The following LRP8 variants were observed in gnomAD, a reference collection of about 807,000 sequenced individuals.
LRP8 encodes the protein low-density lipoprotein receptor-related protein 8.
In LRP8, 46 loss-of-function variants were observed where a neutral mutation model predicts 111.6. That is an observed-to-expected ratio of 0.41 (90% confidence interval 0.33 to 0.53). LRP8 has a LOEUF of 0.53. Among genes scored for constraint, LRP8 ranks in the 20% least tolerant of loss-of-function variants. The pLI, the probability that LRP8 is intolerant of heterozygous loss-of-function variation, is 0.20. For synonymous variants in LRP8, 464 were observed against 511.2 expected (o/e 0.91, Z 1.24); for missense variants, 959 against 1,297.4 (o/e 0.74, Z 4.01).
Position 53,262,539 on chromosome 1 carries a change from C to G in LRP8, c.1681G>C (p.Asp561His), listed in dbSNP as rs755974198. Residue 561 changes from aspartate to histidine, a missense_variant, in exon 11 of 19, where the codon GAC (aspartate) becomes CAC (histidine). Transcript: ENST00000306052. The surrounding 1 kb of genome is among the most constrained non-coding windows in gnomAD (Gnocchi z 4.8). ...RGFMYWSDWG[D>H]QAKIEKSGLN... The stretch of plus-strand genomic sequence containing the variant: ...CCAGATTTCTCAATCTTGGCCTGGT[C>G]CCCCCAGTCAGACCAATACATGAAC... The G allele has an allele frequency of 3.7e-5, 59 of 1,613,882 alleles. No homozygotes were observed. Among genetic ancestry groups the G allele is most frequent in the Non-Finnish European group, 4.7e-5 (55 of 1,179,912 alleles).
chr1:53,259,620 C>T (rs1289730881), intron 13 of LRP8, among the ~76,000 whole-genome samples: 1 of 150,608 alleles, frequency 6.6e-6, no homozygotes, highest in Admixed American at 6.6e-5. Flanking sequence ...CTTGCTCTGT[C>T]GCCCAGGCTG....
In LRP8 at chr1:53,303,423, C is replaced by T. The variant is rs1478534697; in HGVS notation, c.245-13734G>A. Among the ~76,000 whole-genome samples the T allele has an allele frequency of 6.6e-6, 1 of 152,238 alleles. No homozygotes were observed. The highest frequency in any genetic ancestry group is 2.1e-4 in the South Asian group (1 of 4,832). ...ATTTCATACATGAGAAAAGGGGCCACAGCAGCCTCGCGCTCCCATGGCAAC... is the reference window on the plus strand; with the variant it reads ...ATTTCATACATGAGAAAAGGGGCCATAGCAGCCTCGCGCTCCCATGGCAAC... On this transcript the variant is annotated intron_variant, in intron 2 of 18. Transcript: ENST00000306052. This position sits in a 1 kb window ranked among gnomAD's most constrained non-coding sequence, Gnocchi z 4.3.
In LRP8 at chr1:53,315,225, G is replaced by A. The variant is rs139860072; in HGVS notation, c.244+11648C>T. Among the ~76,000 whole-genome samples, 455 of 152,266 alleles carry A rather than the reference G, an allele frequency of 3.0e-3. 1 individual carries two copies. Among genetic ancestry groups the A allele is most frequent in the African/African-American group, 0.011 (442 of 41,526 alleles). On this transcript the variant is annotated intron_variant, in intron 2 of 18. Transcript: ENST00000306052. ...GGGCCAGCAAGTGACAGCCTGGAGC[G>A]GCAGGGGAGAAAGGGAGATAAAGGA...
intron 2 of LRP8, among the ~76,000 whole-genome samples, chr1:53,325,730 T>C (rs1655042455): frequency 6.6e-6 from 1 of 152,166 alleles, no homozygotes; most frequent in Admixed American, 6.5e-5. Context: ...CTGTGCAGTG[T>C]GGGGCTGTGG....
chr1:53,318,911 G>A (rs1349942956), intron 2 of LRP8, among the ~76,000 whole-genome samples: 2 of 152,210 alleles, frequency 1.3e-5, no homozygotes, highest in African/African-American at 4.8e-5. Flanking sequence ...AAGCTGGAGT[G>A]CAGTGGTGTG....
intron 3 of LRP8, 87 bp from the exon 4 acceptor site, chr1:53,280,802 C>T: frequency 6.5e-7 from 1 of 1,541,862 alleles, no homozygotes; most frequent in Non-Finnish European, 8.8e-7. Flanking sequence ...TTCCAGCCAT[C>T]TGGTCCAAGG....
intron 16 of LRP8, among the ~76,000 whole-genome samples, chr1:53,252,568 T>C (rs1209340384): frequency 6.6e-6 from 1 of 151,776 alleles, no homozygotes; most frequent in Non-Finnish European, 1.5e-5. Context: ...GAAAAAGTAA[T>C]GGAATAAAAA....
intron 6 of LRP8, chr1:53,272,736 G>A: frequency 8.5e-7 from 1 of 1,169,602 alleles, no homozygotes; most frequent in Non-Finnish European, 1.1e-6. Context: ...CCTTGGAGGT[G>A]GGCTGAGCCA....
chr1:53,257,858 G>A (rs562033505), intron 14 of LRP8, among the ~76,000 whole-genome samples: 1 of 152,258 alleles, frequency 6.6e-6, no homozygotes, highest in South Asian at 2.1e-4. Context: ...CAAATGAAAG[G>A]CCTTGGCTAT....
chr1:53,289,277 G>A (rs1648186010), intron 3 of LRP8: 1 of 251,186 alleles, frequency 4.0e-6, no homozygotes, highest in African/African-American at 2.2e-5. Flanking sequence ...CAGCAGCAGG[G>A]AGGCCTGGAG....
intron 6 of LRP8, among the ~76,000 whole-genome samples, chr1:53,273,238 G>T (rs904493187): frequency 6.6e-6 from 1 of 152,242 alleles, no homozygotes; most frequent in South Asian, 2.1e-4. Context: ...TAGTATTTGC[G>T]GCTTCCTTCC....
chr1:53,268,204 A>T (rs1392889825), intron 8 of LRP8: 2 of 152,216 alleles, frequency 1.3e-5, no homozygotes, highest in African/African-American at 4.8e-5. Flanking sequence ...CTCACCCCAA[A>T]ATGACAGTAA....
Position 53,249,395 on chromosome 1 carries a change from A to C in LRP8, c.2838T>G (p.Pro946=). Residue 946 remains proline, a synonymous_variant, in exon 18 of 19, where the codon CCT becomes CCG. Coordinates refer to ENST00000306052, the MANE Select transcript of LRP8 (RefSeq NM_004631.5). The surrounding 1 kb of genome is among the most constrained non-coding windows in gnomAD (Gnocchi z 4.1). ...ACTGCCCTACCTTGGATTTGACGACAGGCAGCTCGGAAAGAGGGTTCTTCG... is the reference window on the plus strand; with the variant it reads ...ACTGCCCTACCTTGGATTTGACGACCGGCAGCTCGGAAAGAGGGTTCTTCG... The part of the protein sequence containing the change: ...QLPKNPLSEL[P]VVKSKRVALS... 6.2e-7 allele frequency: 1 copy of C among 1,614,130 alleles called. No homozygotes were observed. The highest frequency in any genetic ancestry group is 8.5e-7 in the Non-Finnish European group (1 of 1,179,978).
intron 2 of LRP8, among the ~76,000 whole-genome samples, chr1:53,311,594 C>T (rs951095230): frequency 6.9e-6 from 1 of 144,244 alleles, no homozygotes; most frequent in African/African-American, 3.0e-5. Context: ...ACCCTCCCTG[C>T]CCCCAGCCTC....
Position 53,279,786 on chromosome 1 carries a change from C to A in LRP8, c.496+801G>T, listed in dbSNP as rs868606275. Among the ~76,000 whole-genome samples the A allele has an allele frequency of 2.0e-5, 3 of 152,228 alleles. No individual in the cohort carries two copies. The highest frequency in any genetic ancestry group is 2.0e-4 in the Admixed American group (3 of 15,292). ...GCACAGCCTAGTAGCGACAGCCAGT[C>A]TGTCTCCCCCACTAATCATGTGTTC... On this transcript the variant is annotated intron_variant, in intron 4 of 18. Coordinates refer to ENST00000306052, the MANE Select transcript of LRP8 (RefSeq NM_004631.5). This position sits in a 1 kb window ranked among gnomAD's most constrained non-coding sequence, Gnocchi z 4.4.
Position 53,260,478 on chromosome 1 carries a change from A to G in LRP8, c.2042T>C (p.Leu681Pro). The G allele has an allele frequency of 6.2e-7, 1 of 1,614,156 alleles. No individual in the cohort carries two copies. Among genetic ancestry groups the G allele is most frequent in the Non-Finnish European group, 8.5e-7 (1 of 1,180,028 alleles). Residue 681 changes from leucine (L) to proline (P), a missense_variant, in exon 13 of 19, where the codon CTG becomes CCG. Physicochemically the swap from Leu to Pro is moderately conservative, Grantham distance 98. Coordinates refer to ENST00000306052, the MANE Select transcript of LRP8 (RefSeq NM_004631.5). ...AGACAGCTCACCTCTTGGCTGCTTC[A>G]GCTCATGGAAGATGACAATGTCATG... ...NPHDIVIFHE[L>P]KQPRAPDACE...
intron 3 of LRP8, 93 bp from the exon 4 acceptor site, chr1:53,280,808 C>A: frequency 6.6e-7 from 1 of 1,521,170 alleles, no homozygotes; most frequent in Non-Finnish European, 8.9e-7. Flanking sequence ...CCATCTGGTC[C>A]AAGGCCCTAG....
At chr1:53,316,598 C>T (rs1387186157) in intron 2 of LRP8, among the ~76,000 whole-genome samples, 2 of 152,230 alleles carry the variant, frequency 1.3e-5, no homozygotes, top group African/African-American at 4.8e-5. Flanking sequence ...CACCCTGTAC[C>T]TGGGGCCTGG....
At chr1:53,268,649 T>G (rs1381922489) in intron 8 of LRP8, 1 of 152,212 alleles carries the variant, frequency 6.6e-6, no homozygotes, top group African/African-American at 2.4e-5. Context: ...ATATCTCTAC[T>G]TGGATACCTA....
Sources: allele counts gnomAD v4.1 joint callset (sites outside exome capture counted in the v4.1 genomes callset), GRCh38; gene constraint gnomAD v4.1.1; non-coding constraint Gnocchi (gnomAD v3.1); transcripts MANE v1.5; gene names NCBI Gene and HGNC (gene_info 2026-07-23, HGNC 2026-07-21).